Variants in SEC24D observed in about 807,000 individuals in gnomAD.
SEC24D encodes the protein SEC24 homolog D, COPII component.
A neutral mutation model predicts 116.9 loss-of-function variants in SEC24D; 69 were observed. That is an observed-to-expected ratio of 0.59 (90% confidence interval 0.49 to 0.72). The LOEUF is 0.72. SEC24D is among the 30% of genes least tolerant of loss of function. The pLI, the probability that SEC24D is intolerant of heterozygous loss-of-function variation, is 0.00. For synonymous variants in SEC24D, 405 were observed against 442.8 expected, an observed-to-expected ratio of 0.91 and a Z score of 1.07; for missense variants, 1,131 against 1,264.1, an observed-to-expected ratio of 0.89 and a Z score of 1.60.
intron 8 of SEC24D, among the ~76,000 whole-genome samples, chr4:118,773,793 T>C (rs1305041171): frequency 6.6e-6 from 1 of 152,254 alleles, no homozygotes; most frequent in Non-Finnish European, 1.5e-5. Context: ...GCAGCTTATA[T>C]GTGCTTTCTA....
At chr4:118,805,721 A>C in intron 7 of SEC24D, 122 bp downstream of exon 7, 2 of 567,068 alleles carry the variant, frequency 3.5e-6, no homozygotes, top group Non-Finnish European at 6.0e-6. Flanking sequence ...CAGAGAACTG[A>C]TTATCAGCTA....
rs538558073 is a variant in SEC24D, at chr4:118,788,391, G to C, written c.1041+9292C>G. ...AGGTCACAATATAAGGCACAGTGGA[G>C]ACCTGAAATTATTTCCCGGCTCCTA... On this transcript the variant is annotated intron_variant, in intron 8 of 22. Transcript: ENST00000280551. Among the ~76,000 whole-genome samples, 7 of 152,310 alleles carry C rather than the reference G, an allele frequency of 4.6e-5. No individual in the cohort carries two copies. In the South Asian group the frequency reaches 1.0e-3, roughly 23 times the overall value.
chr4:118,829,561 C>T (rs1305278179), intron 2 of SEC24D, among the ~76,000 whole-genome samples: 1 of 151,932 alleles, frequency 6.6e-6, no homozygotes, highest in Non-Finnish European at 1.5e-5. Context: ...GCCTATAATC[C>T]CAGCACTTTG....
intron 8 of SEC24D, among the ~76,000 whole-genome samples, chr4:118,796,787 A>G (rs551364832): frequency 2.6e-5 from 4 of 152,204 alleles, no homozygotes; most frequent in Non-Finnish European, 4.4e-5. Flanking sequence ...AGATGCTGCT[A>G]GGTGTACATT....
chr4:118,769,353 T>C (rs1340447578), intron 8 of SEC24D, among the ~76,000 whole-genome samples: 1 of 152,208 alleles, frequency 6.6e-6, no homozygotes, highest in Non-Finnish European at 1.5e-5. Flanking sequence ...CCAACTCTTC[T>C]GGCTTTCGGG....
Position 118,827,949 on chromosome 4 carries a change from GA to G in SEC24D, c.119-3201del, listed in dbSNP as rs569703554. On this transcript the variant is annotated intron_variant, in intron 2 of 22. Coordinates refer to ENST00000280551, the MANE Select transcript of SEC24D (RefSeq NM_014822.4). The stretch of plus-strand genomic sequence containing the variant: ...AATTAAAAGCCATTTGTTGGGGGGG[GA>G]AAATGTTTATCTAAAATAAACAAAG... Among the ~76,000 whole-genome samples the G allele has an allele frequency of 4.1e-3, 617 of 152,158 alleles. 4 individuals carry two copies. The highest frequency in any genetic ancestry group is 0.014 in the African/African-American group (575 of 41,526).
chr4:118,817,249 T>C lies in SEC24D; in HGVS notation c.397+15A>G, dbSNP rs1730189823. 2 of 1,585,940 alleles carry C rather than the reference T, an allele frequency of 1.3e-6. No homozygotes were observed. The highest frequency in any genetic ancestry group is 1.9e-5 in the Admixed American group (1 of 52,960). On this transcript the variant is annotated intron_variant, in intron 4 of 22. Coordinates refer to ENST00000280551, the MANE Select transcript of SEC24D (RefSeq NM_014822.4). ...ACACAAGGCAGTCAATAAACACTAA[T>C]AATAAAACTATTACCATAGCTGTTG...
intron 2 of SEC24D, among the ~76,000 whole-genome samples, chr4:118,829,108 T>C (rs1730720479): frequency 6.6e-6 from 1 of 152,252 alleles, no homozygotes; most frequent in Non-Finnish European, 1.5e-5. Flanking sequence ...ATTGTCATTG[T>C]TAATTTCTTT....
chr4:118,807,095 C>T (rs1729711519), intron 6 of SEC24D, among the ~76,000 whole-genome samples: 1 of 152,208 alleles, frequency 6.6e-6, no homozygotes. Context: ...AAAACCTTAA[C>T]TTTCTCCTCA....
chr4:118,768,394 C>CTTTTTTTTTTTT, intron 8 of SEC24D, 83 bp from the exon 9 acceptor site: 1 of 581,164 alleles, frequency 1.7e-6, no homozygotes, highest in South Asian at 2.4e-5. Context: ...TTTAATGGCA[C>CTTTTTTTTTTTT]TTTTTTTTTT....
At chr4:118,825,125 G>A (rs1308635467) in intron 2 of SEC24D, among the ~76,000 whole-genome samples, 1 of 152,236 alleles carries the variant, frequency 6.6e-6, no homozygotes, top group Non-Finnish European at 1.5e-5. Flanking sequence ...AAAGCAGGAA[G>A]GGTCATGGTA....
In SEC24D at chr4:118,744,278, G is replaced by A. The variant is rs187206588; in HGVS notation, c.1825-120C>T. 69 of 1,041,058 alleles carry A rather than the reference G, an allele frequency of 6.6e-5. No homozygotes were observed. In the Middle Eastern group the frequency reaches 9.8e-4, roughly 15 times the overall value. 64.5% of individuals were successfully genotyped at this position (1,041,058 alleles called of 1,614,324 possible). A position where few individuals can be genotyped will look rare whatever the true frequency, so the allele number is the denominator to read the frequency against. ...AAAATGGAAAAATAGACATTTTCCC[G>A]TTAAGTGAACTGGGCTGAAGAAACA... is the stretch of plus-strand genomic sequence containing the variant. On this transcript the variant is annotated intron_variant, in intron 14 of 22. Transcript: ENST00000280551.
intron 19 of SEC24D, chr4:118,733,326 C>T (rs573396827): frequency 3.7e-4 from 58 of 155,302 alleles, no homozygotes; most frequent in African/African-American, 1.2e-3. Flanking sequence ...TTGTAAAGCA[C>T]AATAGTGCCT....
At chr4:118,747,263 C>CTTT (rs200688068) in intron 13 of SEC24D, among the ~76,000 whole-genome samples, 11 of 128,220 alleles carry the variant, frequency 8.6e-5, no homozygotes, top group South Asian at 2.5e-4. Context: ...ATTTCTGTAG[C>CTTT]TTTTTTTTTT....
intron 15 of SEC24D, 79 bp downstream of exon 15, chr4:118,743,909 A>C: frequency 7.6e-7 from 1 of 1,312,222 alleles, no homozygotes; most frequent in Non-Finnish European, 1.0e-6. Flanking sequence ...CAGGGAACAC[A>C]GCTTTTTAAA....
At chr4:118,809,838 G>A (rs894875686) in intron 6 of SEC24D, among the ~76,000 whole-genome samples, 9 of 152,336 alleles carry the variant, frequency 5.9e-5, no homozygotes, top group Admixed American at 5.9e-4. Flanking sequence ...TCAGTGCTGT[G>A]GATATGGAGT....
intron 4 of SEC24D, among the ~76,000 whole-genome samples, 197 bp from the exon 5 acceptor site, chr4:118,815,923 AT>A (rs1291018511): frequency 1.3e-5 from 2 of 151,520 alleles, no homozygotes; most frequent in Non-Finnish European, 2.9e-5. Context: ...TACAACTGGG[AT>A]TTTTTCTTTT....
intron 10 of SEC24D, among the ~76,000 whole-genome samples, chr4:118,763,838 TAAG>T (rs894932788): frequency 1.2e-4 from 19 of 152,120 alleles, no homozygotes; most frequent in African/African-American, 4.6e-4. Flanking sequence ...GGCAGACATA[TAAG>T]AAGGTTTAAA....
Position 118,815,701 on chromosome 4 carries a change from C to T in SEC24D, c.423G>A (p.Gln141=). ...SYGSGMAPPS[Q]GPPGPLSATS... The stretch of plus-strand genomic sequence containing the variant: ...TGGCTGACAGAGGGCCAGGGGGTCC[C>T]TGGCTTGGAGGAGCCATGCCTGAAC... Residue 141 remains glutamine (Q), a synonymous_variant, in exon 5 of 23, where the codon CAG becomes CAA. Coordinates refer to ENST00000280551, the MANE Select transcript of SEC24D (RefSeq NM_014822.4). 6.2e-7 allele frequency: 1 copy of T among 1,614,030 alleles called. No individual in the cohort carries two copies. Among genetic ancestry groups the T allele is most frequent in the Non-Finnish European group, 8.5e-7 (1 of 1,179,998 alleles).
Sources: allele counts gnomAD v4.1 joint callset (sites outside exome capture counted in the v4.1 genomes callset), GRCh38; gene constraint gnomAD v4.1.1; transcripts MANE v1.5; gene names NCBI Gene and HGNC (gene_info 2026-07-23, HGNC 2026-07-21).